The following CCDC102B variants were observed in gnomAD, a reference collection of about 807,000 sequenced individuals.
The protein encoded by CCDC102B is coiled-coil domain-containing protein 102B.
Under a neutral mutation model 57.4 loss-of-function variants are expected in CCDC102B, and 75 were observed. The observed-to-expected ratio is 1.31, with a 90% CI of 1.08 to 1.58. CCDC102B has a LOEUF of 1.58. Among genes scored for constraint, CCDC102B ranks in the 40% most tolerant of loss-of-function variants. CCDC102B has a pLI of 0.00. For synonymous variants in CCDC102B, 206 were observed against 201.9 expected (o/e 1.02, Z -0.17); for missense variants, 636 against 582.6 (o/e 1.09, Z -0.94).
chr18:68,773,628 T>A (rs1036288954), intron 2 of CCDC102B, among the ~76,000 whole-genome samples: 1 of 152,042 alleles, frequency 6.6e-6, no homozygotes, highest in African/African-American at 2.4e-5. Flanking sequence ...ACAATTTTCC[T>A]TTTTAATAAA....
chr18:69,043,846 A>G (rs1323657516), intron 7 of CCDC102B, among the ~76,000 whole-genome samples: 5 of 152,088 alleles, frequency 3.3e-5, no homozygotes, highest in Non-Finnish European at 7.4e-5. Context: ...TAAGCCTGAA[A>G]GAGTTTTCTA....
intron 6 of CCDC102B, among the ~76,000 whole-genome samples, chr18:68,905,796 T>G: frequency 7.7e-6 from 1 of 129,654 alleles, no homozygotes; most frequent in Non-Finnish European, 1.6e-5. Flanking sequence ...TTTTTTTTTT[T>G]TTTTTTTTTT....
chr18:69,025,161 A>G (rs1443220476), intron 7 of CCDC102B, among the ~76,000 whole-genome samples: 13 of 152,196 alleles, frequency 8.5e-5, no homozygotes, highest in Admixed American at 8.5e-4. Flanking sequence ...TCGTGTGAAC[A>G]GAGAAAAAGA....
chr18:68,759,017 AC>A (rs141561301), intron 2 of CCDC102B, among the ~76,000 whole-genome samples: 5,510 of 151,284 alleles, frequency 0.036, 167 homozygotes, highest in African/African-American at 0.081. Context: ...CCTAAAAAAA[AC>A]AAAAACAAAC....
chr18:68,785,344 G>T (rs1479175118), intron 2 of CCDC102B, among the ~76,000 whole-genome samples: 4 of 152,166 alleles, frequency 2.6e-5, no homozygotes, highest in African/African-American at 9.7e-5. Flanking sequence ...TATATACCCA[G>T]TAATGGGATG....
chr18:68,815,011 G>T (rs1418182768), intron 1 of CCDC102B, among the ~76,000 whole-genome samples: 1 of 152,102 alleles, frequency 6.6e-6, no homozygotes, highest in Non-Finnish European at 1.5e-5. Flanking sequence ...ACTGCAGATT[G>T]TCTTGCCTTG....
chr18:68,855,761 A>G (rs1429852607), intron 4 of CCDC102B, among the ~76,000 whole-genome samples: 1 of 152,180 alleles, frequency 6.6e-6, no homozygotes, highest in Non-Finnish European at 1.5e-5. Context: ...GTAATCTGCT[A>G]TGATAGCACT....
intron 6 of CCDC102B, among the ~76,000 whole-genome samples, chr18:68,900,899 T>C (rs1358580790): frequency 6.6e-6 from 1 of 152,158 alleles, no homozygotes; most frequent in Non-Finnish European, 1.5e-5. Context: ...ACGTGCTTAA[T>C]GGATGCAAGA....
chr18:68,791,351 G>T (rs1161095582), intron 2 of CCDC102B, among the ~76,000 whole-genome samples: 1 of 152,160 alleles, frequency 6.6e-6, no homozygotes, highest in Non-Finnish European at 1.5e-5. Flanking sequence ...CATCAGTATA[G>T]TGGATGTTGA....
At chr18:69,005,828 A>G (rs942953433) in intron 6 of CCDC102B, among the ~76,000 whole-genome samples, 2 of 151,612 alleles carry the variant, frequency 1.3e-5, no homozygotes, top group Admixed American at 6.6e-5. Flanking sequence ...ATATGCAAAC[A>G]CATTTTATGT....
intron 6 of CCDC102B, among the ~76,000 whole-genome samples, chr18:69,002,644 A>C (rs539569251): frequency 6.6e-6 from 1 of 152,306 alleles, no homozygotes; most frequent in East Asian, 1.9e-4. Context: ...CACAGATGAA[A>C]ATATCGTAAC....
intron 2 of CCDC102B, among the ~76,000 whole-genome samples, chr18:68,723,015 A>T (rs1469579637): frequency 6.6e-6 from 1 of 151,584 alleles, no homozygotes; most frequent in African/African-American, 2.4e-5. Context: ...GGTAATTTAT[A>T]AAAAAAGGAA....
chr18:69,045,820 G>A (rs942678289), intron 7 of CCDC102B, among the ~76,000 whole-genome samples: 2 of 151,950 alleles, frequency 1.3e-5, no homozygotes, highest in Non-Finnish European at 2.9e-5. Flanking sequence ...ATGTGCTCTT[G>A]TTGTTTAGCT....
intron 2 of CCDC102B, among the ~76,000 whole-genome samples, chr18:68,751,014 G>A (rs919490885): frequency 6.6e-6 from 1 of 151,984 alleles, no homozygotes. Context: ...GTCACATGGT[G>A]CAGCTAAGGG....
intron 3 of CCDC102B, among the ~76,000 whole-genome samples, chr18:68,840,854 T>C (rs868013732): frequency 6.6e-6 from 1 of 152,342 alleles, no homozygotes; most frequent in Middle Eastern, 3.4e-3. Flanking sequence ...ACACAACATA[T>C]ACTTTTTACT....
intron 6 of CCDC102B, among the ~76,000 whole-genome samples, chr18:68,930,306 C>T (rs11659631): frequency 0.26 from 38,412 of 149,250 alleles, 6,320 homozygotes; most frequent in East Asian, 0.61. Flanking sequence ...ACATATACTA[C>T]GTATTATATA....
intron 2 of CCDC102B, among the ~76,000 whole-genome samples, chr18:68,735,893 G>A (rs1429853677): frequency 2.0e-5 from 3 of 152,120 alleles, no homozygotes; most frequent in African/African-American, 7.2e-5. Flanking sequence ...TTCTAACGGG[G>A]TTAATTCCAT....
At chr18:68,724,112 T>TC (rs2032485025) in intron 2 of CCDC102B, among the ~76,000 whole-genome samples, 1 of 152,198 alleles carries the variant, frequency 6.6e-6, no homozygotes, top group African/African-American at 2.4e-5. Context: ...AGAAGCAATT[T>TC]CCCAAGCTAT....
chr18:68,897,708 T>A, intron 6 of CCDC102B: 1 of 1,139,274 alleles, frequency 8.8e-7, no homozygotes, highest in Non-Finnish European at 1.2e-6. Flanking sequence ...TTCTGGTTTT[T>A]TGTTTCTTAT....
Sources: gnomAD v4.1 joint callset for allele counts (sites outside exome capture counted in the v4.1 genomes callset) on GRCh38, gnomAD v4.1.1 for gene constraint, MANE v1.5 for transcripts, NCBI Gene and HGNC (gene_info 2026-07-23, HGNC 2026-07-21) for gene names.